The following B4GALNT2 variants were observed in gnomAD, a reference collection of about 807,000 sequenced individuals.
B4GALNT2 encodes the protein beta-1,4-N-acetyl-galactosaminyltransferase 2 (SID blood group), also known as N-acetylneuraminylgalactosylglucosyl-glucoside beta-1,4-N- acetylgalactosaminyltransferase 2.
B4GALNT2 carries 42 observed loss-of-function variants against 51.1 expected under a neutral mutation model. That is an observed-to-expected ratio of 0.82 (90% CI 0.64 to 1.06). The LOEUF (loss-of-function observed/expected upper bound fraction) is 1.06. Among genes scored for constraint, B4GALNT2 ranks in the 50% least tolerant of loss-of-function variants. The pLI, the probability that B4GALNT2 is intolerant of heterozygous loss-of-function variation, is 0.00. For missense variants in B4GALNT2, 602 were observed against 633.6 expected (o/e 0.95, Z 0.54); for synonymous variants, 253 against 251.7 (o/e 1.01, Z -0.05).
Position 49,174,039 on chromosome 17 carries a change from T to A in B4GALNT2, c.*4311T>A, listed in dbSNP as rs958119156. On this transcript the variant is annotated 3_prime_UTR_variant, in exon 11 of 11. Coordinates refer to ENST00000393354, the MANE Select transcript of B4GALNT2 (RefSeq NM_001159387.2). ...CTGGTAATTTTTGAAAGTCATTTAA[T>A]GTTTTCAGTTGATCCCTACATATGG... The A allele has an allele frequency of 5.9e-5, 9 of 152,208 alleles. No homozygotes were observed. Among genetic ancestry groups the A allele is most frequent in the African/African-American group, 2.2e-4 (9 of 41,446 alleles). 9.4% of individuals were successfully genotyped at this position (152,208 alleles called of 1,614,324 possible).
In B4GALNT2 at chr17:49,175,624, G is replaced by C. The variant is rs368299629; in HGVS notation, c.*5896G>C. The C allele has an allele frequency of 1.8e-4, 27 of 152,290 alleles. No homozygotes were observed. Among genetic ancestry groups the C allele is most frequent in the East Asian group, 7.7e-4 (4 of 5,178 alleles). 9.4% of individuals were successfully genotyped at this position (152,290 alleles called of 1,614,324 possible). On this transcript the variant is annotated 3_prime_UTR_variant, in exon 11 of 11. Coordinates refer to ENST00000393354, the MANE Select transcript of B4GALNT2 (RefSeq NM_001159387.2). ...CTGTGGCACTACTGGCTGTCGTGGGGGACAGACATTGTACAGGGGTGAGGG... is the reference window on the plus strand; with the variant it reads ...CTGTGGCACTACTGGCTGTCGTGGGCGACAGACATTGTACAGGGGTGAGGG...
chr17:49,155,785 G>A (rs566785463), intron 4 of B4GALNT2, among the ~76,000 whole-genome samples: 2 of 149,586 alleles, frequency 1.3e-5, no homozygotes, highest in South Asian at 2.1e-4. Context: ...GTGCAGTGTC[G>A]AGATCTCGGC....
At chr17:49,136,093 A>AG (rs1217764132) in intron 1 of B4GALNT2, among the ~76,000 whole-genome samples, 1 of 151,434 alleles carries the variant, frequency 6.6e-6, no homozygotes, top group East Asian at 1.9e-4. Context: ...AAAAAAAAAA[A>AG]AAAAGAAAAT....
At chr17:49,142,907 C>G (rs7213384) in intron 3 of B4GALNT2, among the ~76,000 whole-genome samples, 13,068 of 152,062 alleles carry the variant, frequency 0.086, 969 homozygotes, top group African/African-American at 0.2. Context: ...TTTTAAATTA[C>G]AAGGGGTGTC....
intron 3 of B4GALNT2, among the ~76,000 whole-genome samples, chr17:49,150,707 A>G (rs907422158): frequency 1.3e-5 from 2 of 151,052 alleles, no homozygotes; most frequent in Non-Finnish European, 1.5e-5. Flanking sequence ...GCTTTGTTAA[A>G]CAGATGCTTG....
chr17:49,132,962 C>T (rs1160213284), intron 1 of B4GALNT2, 156 bp downstream of exon 1: 9 of 1,408,240 alleles, frequency 6.4e-6, no homozygotes, highest in Non-Finnish European at 8.3e-6. Flanking sequence ...CAACCGGTTC[C>T]CCGCATAGGT....
chr17:49,125,359 C>A, the B4GALNT2 span, among the ~76,000 whole-genome samples: 1 of 152,074 alleles, frequency 6.6e-6, no homozygotes, highest in Admixed American at 6.5e-5. Context: ...GGGGTTTCAC[C>A]ATGTTGGCCA....
At chr17:49,158,122 T>A (rs1598211335) in intron 5 of B4GALNT2, among the ~76,000 whole-genome samples, 2 of 151,604 alleles carry the variant, frequency 1.3e-5, no homozygotes. Flanking sequence ...CAGAAAAGGG[T>A]AGAGCAAGGA....
intron 7 of B4GALNT2, among the ~76,000 whole-genome samples, chr17:49,161,964 A>T (rs1197264924): frequency 6.6e-6 from 1 of 151,262 alleles, no homozygotes; most frequent in Non-Finnish European, 1.5e-5. Context: ...TATAAAATAT[A>T]TAAAATTTTA....
upstream of B4GALNT2, among the ~76,000 whole-genome samples, chr17:49,130,505 G>A (rs1486965200): frequency 1.3e-5 from 2 of 152,178 alleles, no homozygotes. Context: ...AGGTGTGGTG[G>A]TGCATGCCTA....
In B4GALNT2 at chr17:49,165,363, C is replaced by A. The variant is rs559707251; in HGVS notation, c.955-751C>A. 4.2e-5 allele frequency among the ~76,000 whole-genome samples: 6 copies of A among 143,304 alleles called. No individual in the cohort carries two copies. In the South Asian group the frequency reaches 1.4e-3, roughly 34 times the overall value. 94.0% of individuals were successfully genotyped at this position (143,304 alleles called of 152,430 possible). ...TTCCCACCTTCCCTCTCTCCCCTAC[C>A]TTTCTTCCTCTCCACTCTCTCTTTC... On this transcript the variant is annotated intron_variant, in intron 8 of 10. Coordinates refer to ENST00000393354, the MANE Select transcript of B4GALNT2 (RefSeq NM_001159387.2).
intron 3 of B4GALNT2, 112 bp from the exon 4 acceptor site, chr17:49,152,688 T>G: frequency 1.4e-6 from 1 of 726,210 alleles, no homozygotes; most frequent in East Asian, 3.0e-5. Context: ...ACAACCCAAT[T>G]TTGATTTCTC....
chr17:49,138,081 C>T lies in B4GALNT2; in HGVS notation c.15-3166C>T, dbSNP rs113160749. 2.3e-3 allele frequency among the ~76,000 whole-genome samples: 346 copies of T among 152,220 alleles called. 1 individual carries two copies. The highest frequency in any genetic ancestry group is 7.9e-3 in the African/African-American group (330 of 41,542). The stretch of plus-strand genomic sequence containing the variant: ...GTAAGGTCTAGAGTGTTCCTAGTTC[C>T]GGGGATTTTAGTTCTGTGTGATACT... On this transcript the variant is annotated intron_variant, in intron 1 of 10. Transcript: ENST00000393354.
chr17:49,158,859 G>A (rs1166752616), intron 5 of B4GALNT2, among the ~76,000 whole-genome samples, 178 bp from the exon 6 acceptor site: 5 of 152,080 alleles, frequency 3.3e-5, no homozygotes, highest in Admixed American at 3.3e-4. Flanking sequence ...TTGGGGGCGG[G>A]GGCGCTAGCA....
At chr17:49,155,812 C>G (rs1315533837) in intron 4 of B4GALNT2, among the ~76,000 whole-genome samples, 3 of 151,004 alleles carry the variant, frequency 2.0e-5, no homozygotes, top group Non-Finnish European at 4.4e-5. Context: ...CAAGCTCCGC[C>G]TCCCGGGTTC....
the B4GALNT2 span, among the ~76,000 whole-genome samples, chr17:49,127,399 G>T: frequency 6.6e-6 from 1 of 152,108 alleles, no homozygotes; most frequent in Non-Finnish European, 1.5e-5. Context: ...ATTAATAAAT[G>T]CAAACAAAAA....
chr17:49,133,291 A>G, intron 1 of B4GALNT2: 2 of 1,417,600 alleles, frequency 1.4e-6, no homozygotes, highest in South Asian at 3.0e-5. Flanking sequence ...GGTCTCCTCC[A>G]CAGTCCGCGC....
chr17:49,122,104 C>G, the B4GALNT2 span, among the ~76,000 whole-genome samples: 1 of 152,024 alleles, frequency 6.6e-6, no homozygotes, highest in Non-Finnish European at 1.5e-5. Flanking sequence ...GAGAGGTTAT[C>G]TCAGGGCTGG....
At chr17:49,142,460 T>C (rs142016976) in intron 3 of B4GALNT2, among the ~76,000 whole-genome samples, 1 of 152,170 alleles carries the variant, frequency 6.6e-6, no homozygotes, top group East Asian at 1.9e-4. Context: ...GAGGTCAAGA[T>C]GGGAGGATAG....
Sources: gnomAD v4.1 joint callset for allele counts (sites outside exome capture counted in the v4.1 genomes callset) on GRCh38, gnomAD v4.1.1 for gene constraint, MANE v1.5 for transcripts, NCBI Gene and HGNC (gene_info 2026-07-23, HGNC 2026-07-21) for gene names.